The following CDYL variants were observed in gnomAD, a reference collection of about 807,000 sequenced individuals.
CDYL encodes chromodomain Y like.
In CDYL, 8 loss-of-function variants were observed where a neutral mutation model predicts 47.3. The observed-to-expected ratio is 0.17, with a 90% confidence interval of 0.10 to 0.31. The LOEUF is 0.31. CDYL is among the 10% of genes least tolerant of loss of function. CDYL has a pLI of 1.00. For synonymous variants in CDYL, 266 were observed against 265.0 expected (o/e 1.00, Z -0.04); for missense variants, 471 against 701.4 (o/e 0.67, Z 3.71).
At chr6:4,834,079 A>G (rs1233601659) in intron 1 of CDYL, among the ~76,000 whole-genome samples, 36 of 150,584 alleles carry the variant, frequency 2.4e-4, no homozygotes, top group African/African-American at 8.0e-4. Flanking sequence ...TTACATTTAA[A>G]GTTAATATTG....
intron 1 of CDYL, among the ~76,000 whole-genome samples, chr6:4,830,760 C>G (rs1001547413): frequency 9.3e-5 from 11 of 118,042 alleles, no homozygotes; most frequent in South Asian, 3.5e-4. Flanking sequence ...CCCCTCCCCC[C>G]ACCCCACAAC....
chr6:4,869,466 G>T (rs992129433), intron 1 of CDYL, among the ~76,000 whole-genome samples: 5 of 152,164 alleles, frequency 3.3e-5, no homozygotes, highest in Admixed American at 3.3e-4. Flanking sequence ...TATTGATATG[G>T]TTGGTTTTAG....
chr6:4,889,399 AT>A (rs1489572633), intron 1 of CDYL, among the ~76,000 whole-genome samples: 2 of 151,794 alleles, frequency 1.3e-5, no homozygotes, highest in Non-Finnish European at 2.9e-5. Context: ...AATTTTGTGT[AT>A]TTTTAGTAGA....
chr6:4,814,642 C>T (rs1759619846), intron 1 of CDYL, among the ~76,000 whole-genome samples: 1 of 152,166 alleles, frequency 6.6e-6, no homozygotes, highest in Non-Finnish European at 1.5e-5. Context: ...TCTCGTGCCC[C>T]AGCCTCCCTG....
At chr6:4,842,794 A>G (rs1760539817) in intron 1 of CDYL, among the ~76,000 whole-genome samples, 3 of 152,194 alleles carry the variant, frequency 2.0e-5, no homozygotes, top group South Asian at 2.1e-4. Context: ...TGTGCTATGA[A>G]TACACAACAT....
intron 3 of CDYL, among the ~76,000 whole-genome samples, chr6:4,770,128 C>T (rs1744457527): frequency 2.6e-5 from 4 of 152,036 alleles, no homozygotes; most frequent in Non-Finnish European, 4.4e-5. Context: ...TGAGCCATGG[C>T]GCCGGGCCAA....
At chr6:4,837,031 C>T (rs926211030) in intron 1 of CDYL, among the ~76,000 whole-genome samples, 12 of 152,136 alleles carry the variant, frequency 7.9e-5, no homozygotes, top group African/African-American at 2.7e-4. Flanking sequence ...CCTGTATATC[C>T]CCAGTACCTC....
intron 1 of CDYL, among the ~76,000 whole-genome samples, chr6:4,882,199 G>A (rs59019088): frequency 6.6e-6 from 1 of 152,158 alleles, no homozygotes; most frequent in East Asian, 1.9e-4. Flanking sequence ...TCTTGAAATT[G>A]TGGCAAGCTC....
At chr6:4,867,010 AC>A (rs890394173) in intron 1 of CDYL, among the ~76,000 whole-genome samples, 1 of 152,152 alleles carries the variant, frequency 6.6e-6, no homozygotes, top group African/African-American at 2.4e-5. Context: ...AATAAGTATA[AC>A]AAATAATTGT....
At chr6:4,726,275 G>A (rs983242062) in intron 2 of CDYL, among the ~76,000 whole-genome samples, 6 of 152,010 alleles carry the variant, frequency 3.9e-5, no homozygotes, top group Non-Finnish European at 7.4e-5. Context: ...GGCGGCTCTC[G>A]CGCATAATCC....
At chr6:4,772,887 G>GT (rs918744807), upstream of CDYL, 17 of 339,872 alleles carry the variant, frequency 5.0e-5, no homozygotes, top group Admixed American at 5.5e-4. Flanking sequence ...GGCTTCTTTT[G>GT]TTTTTTTCTG....
At chr6:4,894,490 G>A (rs370825110) in intron 2 of CDYL, among the ~76,000 whole-genome samples, 9 of 152,142 alleles carry the variant, frequency 5.9e-5, no homozygotes, top group Non-Finnish European at 1.0e-4. Context: ...ATTTACTAAC[G>A]TGAAAATATA....
chr6:4,881,292 G>A (rs570457379), intron 1 of CDYL, among the ~76,000 whole-genome samples: 5 of 151,712 alleles, frequency 3.3e-5, no homozygotes, highest in Admixed American at 6.6e-5. Flanking sequence ...TTGACATTTC[G>A]TTATAATTCT....
rs1315650564 is a variant in CDYL, at chr6:4,792,424, T to TA, written c.24+15626dup. On this transcript the variant is annotated intron_variant, in intron 1 of 6. Coordinates refer to ENST00000397588, the MANE Select transcript of CDYL (RefSeq NM_004824.4). ...ATTTTAATGTAGTCAAATTTTTATT[T>TA]AAAAAAAAATTTTTTTTTTTTTTTT... Among the ~76,000 whole-genome samples the TA allele has an allele frequency of 6.6e-5, 10 of 150,654 alleles. 1 individual carries two copies. The East Asian group carries it at 1.8e-3, about 26-fold the overall frequency.
Position 4,863,307 on chromosome 6 carries a change from A to G in CDYL, c.25-28406A>G, listed in dbSNP as rs763802008. ...AGAAGCCCAAACCCCAGCTTTATAT[A>G]TTATACCATTGTAACAAACTTGTAC... On this transcript the variant is annotated intron_variant, in intron 1 of 6. Coordinates refer to ENST00000397588, the MANE Select transcript of CDYL (RefSeq NM_004824.4). Among the ~76,000 whole-genome samples, 77 of 152,314 alleles carry G rather than the reference A, an allele frequency of 5.1e-4. 2 individuals carry two copies. The highest frequency in any genetic ancestry group is 3.4e-3 in the Middle Eastern group (1 of 294).
intron 2 of CDYL, among the ~76,000 whole-genome samples, chr6:4,902,330 C>T (rs904157288): frequency 1.3e-5 from 2 of 149,802 alleles, no homozygotes; most frequent in Non-Finnish European, 1.5e-5. Context: ...CGCTTGAACC[C>T]GGGAGGCAGA....
chr6:4,804,720 G>T (rs1759322050), intron 1 of CDYL, among the ~76,000 whole-genome samples: 2 of 152,176 alleles, frequency 1.3e-5, no homozygotes, highest in South Asian at 4.1e-4. Context: ...CGTCCGTCTG[G>T]GTCCATTCTC....
At chr6:4,870,648 C>T (rs1329184704) in intron 1 of CDYL, among the ~76,000 whole-genome samples, 1 of 152,090 alleles carries the variant, frequency 6.6e-6, no homozygotes, top group Non-Finnish European at 1.5e-5. Context: ...ACATGTATGT[C>T]TGCACTGTTG....
intron 1 of CDYL, among the ~76,000 whole-genome samples, chr6:4,872,638 C>G (rs1761507878): frequency 6.6e-6 from 1 of 152,088 alleles, no homozygotes; most frequent in Non-Finnish European, 1.5e-5. Flanking sequence ...CCTTGACCTC[C>G]CAAAGTGCTA....
Sources: gnomAD v4.1 joint callset for allele counts (sites outside exome capture counted in the v4.1 genomes callset) on GRCh38, gnomAD v4.1.1 for gene constraint, MANE v1.5 for transcripts, NCBI Gene and HGNC (gene_info 2026-07-23, HGNC 2026-07-21) for gene names.